Variants in MAPK9 observed in about 807,000 individuals in gnomAD.
MAPK9 encodes the protein mitogen-activated protein kinase 9.
MAPK9 carries 30 observed loss-of-function variants against 57.1 expected under a neutral mutation model. The observed-to-expected ratio is 0.53, with a 90% CI of 0.39 to 0.71. MAPK9 has a LOEUF of 0.71. Among genes scored for constraint, MAPK9 ranks in the 30% least tolerant of loss-of-function variants. The pLI is 0.00. For synonymous variants in MAPK9, 155 were observed against 177.0 expected (o/e 0.88, Z 0.99); for missense variants, 362 against 521.0 (o/e 0.69, Z 2.97).
intron 2 of MAPK9, among the ~76,000 whole-genome samples, chr5:180,270,164 C>T (rs1223587142): frequency 6.6e-6 from 1 of 152,182 alleles, no homozygotes. Flanking sequence ...ATTATCACCT[C>T]TGGGCTACTC....
intron 2 of MAPK9, among the ~76,000 whole-genome samples, chr5:180,274,765 T>C (rs1371345864): frequency 3.9e-5 from 6 of 152,220 alleles, no homozygotes; most frequent in African/African-American, 1.4e-4. Flanking sequence ...CAATAGGTGT[T>C]GTTTTAAACA....
chr5:180,238,279 A>C (rs1561778447), intron 11 of MAPK9, 53 bp downstream of exon 11: 1 of 1,474,740 alleles, frequency 6.8e-7, no homozygotes, highest in Non-Finnish European at 9.4e-7. Context: ...CAAAAAAAAA[A>C]AGTTGAATAG....
intron 7 of MAPK9, chr5:180,246,303 C>A (rs905034394): frequency 6.6e-6 from 1 of 151,924 alleles, no homozygotes; most frequent in Non-Finnish European, 1.5e-5. Context: ...ATGGAAACTG[C>A]TAGAAAATTT....
intron 6 of MAPK9, among the ~76,000 whole-genome samples, chr5:180,248,528 A>G (rs1758348284): frequency 6.7e-6 from 1 of 149,742 alleles, no homozygotes; most frequent in South Asian, 2.1e-4. Context: ...ACATGAAAAC[A>G]TGTGTTATTC....
intron 5 of MAPK9, among the ~76,000 whole-genome samples, chr5:180,255,696 T>G (rs544123570): frequency 6.6e-6 from 1 of 151,962 alleles, no homozygotes; most frequent in East Asian, 1.9e-4. Flanking sequence ...CACCATCACA[T>G]CCACCAGCCT....
At chr5:180,272,673 G>A (rs911547715) in intron 2 of MAPK9, among the ~76,000 whole-genome samples, 1 of 152,152 alleles carries the variant, frequency 6.6e-6, no homozygotes, top group Non-Finnish European at 1.5e-5. Context: ...ATCCATTGTT[G>A]CTGTATGTAG....
chr5:180,242,518 T>A, intron 8 of MAPK9, 55 bp downstream of exon 8: 1 of 1,490,998 alleles, frequency 6.7e-7, no homozygotes, highest in Non-Finnish European at 9.2e-7. Context: ...CATGAAAGAG[T>A]GAAAGCACCA....
At chr5:180,287,327 C>A (rs1207780671) in intron 1 of MAPK9, among the ~76,000 whole-genome samples, 1 of 152,158 alleles carries the variant, frequency 6.6e-6, no homozygotes, top group Non-Finnish European at 1.5e-5. Context: ...AAATATGTAA[C>A]CGTGGGAGAA....
intron 7 of MAPK9, among the ~76,000 whole-genome samples, chr5:180,243,109 G>C (rs1757790575): frequency 6.6e-6 from 1 of 152,296 alleles, no homozygotes; most frequent in East Asian, 1.9e-4. Flanking sequence ...ATTGAAATCA[G>C]TTTTCATACT....
At chr5:180,257,066 T>C (rs1759364793) in intron 5 of MAPK9, among the ~76,000 whole-genome samples, 1 of 152,154 alleles carries the variant, frequency 6.6e-6, no homozygotes, top group South Asian at 2.1e-4. Context: ...AATATATTAT[T>C]TTAACTGACC....
chr5:180,256,112 A>G (rs998405434), intron 5 of MAPK9, among the ~76,000 whole-genome samples: 1 of 152,184 alleles, frequency 6.6e-6, no homozygotes, highest in African/African-American at 2.4e-5. Flanking sequence ...GAGGCAGGAC[A>G]TGCACCAGCG....
intron 5 of MAPK9, among the ~76,000 whole-genome samples, chr5:180,255,045 G>A (rs1581211446): frequency 6.6e-6 from 1 of 152,120 alleles, no homozygotes; most frequent in African/African-American, 2.4e-5. Context: ...AAAAACATCA[G>A]ATGGCACTAA....
At chr5:180,280,750 C>G in intron 1 of MAPK9, 142 bp from the exon 2 acceptor site, 1 of 610,176 alleles carries the variant, frequency 1.6e-6, no homozygotes, top group Non-Finnish European at 2.6e-6. Context: ...TGAACTTAAG[C>G]AAGACACAAA....
chr5:180,254,669 G>A (rs1759080445), intron 5 of MAPK9, among the ~76,000 whole-genome samples: 1 of 152,054 alleles, frequency 6.6e-6, no homozygotes, highest in South Asian at 2.1e-4. Context: ...CAGAATACAA[G>A]GAATAAATAA....
intron 8 of MAPK9, 148 bp from the exon 9 acceptor site, chr5:180,241,303 A>ATTT: frequency 2.4e-6 from 2 of 839,124 alleles, no homozygotes; most frequent in South Asian, 4.8e-5. Flanking sequence ...TATAACCCAA[A>ATTT]ATTTTTTTTT....
chr5:180,239,806 G>T (rs1488374182), intron 10 of MAPK9, 118 bp downstream of exon 10: 2 of 895,402 alleles, frequency 2.2e-6, no homozygotes, highest in Non-Finnish European at 3.6e-6. Context: ...AAGAGGCTAA[G>T]TGGGTCGCAG....
chr5:180,233,867 G>GT lies in MAPK9; in HGVS notation c.*2516dup. ...GGACTTGGGGTGGGCAAGGGGCCCT[G>GT]TAAGAGGGCTTCCTCCTCTCAGTAC... is the stretch of plus-strand genomic sequence containing the variant. On this transcript the variant is annotated 3_prime_UTR_variant, in exon 12 of 12. Coordinates refer to ENST00000452135, the MANE Select transcript of MAPK9 (RefSeq NM_002752.5). The GT allele has an allele frequency of 6.6e-6, 1 of 152,386 alleles. No individual in the cohort carries two copies. Among genetic ancestry groups the GT allele is most frequent in the South Asian group, 2.1e-4 (1 of 4,824 alleles). 9.4% of individuals were successfully genotyped at this position (152,386 alleles called of 1,614,324 possible).
intron 1 of MAPK9, among the ~76,000 whole-genome samples, chr5:180,289,086 T>C (rs1763016306): frequency 6.6e-6 from 1 of 152,222 alleles, no homozygotes; most frequent in Non-Finnish European, 1.5e-5. Context: ...CCAAAAATAG[T>C]TGCCCTATTG....
At chr5:180,267,025 T>C (rs568234034) in intron 3 of MAPK9, among the ~76,000 whole-genome samples, 38 of 152,278 alleles carry the variant, frequency 2.5e-4, no homozygotes, top group African/African-American at 8.9e-4. Context: ...AACTGGCTCA[T>C]ATCTATGTTC....
Sources: allele counts gnomAD v4.1 joint callset (sites outside exome capture counted in the v4.1 genomes callset), GRCh38; gene constraint gnomAD v4.1.1; transcripts MANE v1.5; gene names NCBI Gene and HGNC (gene_info 2026-07-23, HGNC 2026-07-21).